GPBP1: variants seen among roughly 807,000 people sequenced by gnomAD.
The protein encoded by GPBP1 is vasculin.
In GPBP1, 13 loss-of-function variants were observed where a neutral mutation model predicts 56.5. The observed-to-expected ratio is 0.23, with a 90% CI of 0.15 to 0.37. The LOEUF is 0.37. Ranked by LOEUF, GPBP1 falls within the 10% of genes least tolerant of loss-of-function variation. The pLI is 1.00. For missense variants in GPBP1, 477 were observed against 572.3 expected, an observed-to-expected ratio of 0.83 and a Z score of 1.70; for synonymous variants, 204 against 188.9, an observed-to-expected ratio of 1.08 and a Z score of -0.66.
At position 57,185,258 on chromosome 5, in the gene GPBP1, CT is replaced by C. The variant is rs747214276; in HGVS notation, c.-58+8877del. On this transcript the variant is annotated intron_variant, in intron 2 of 11. Coordinates refer to ENST00000506184, the MANE Select transcript of GPBP1 (RefSeq NM_022913.4). ...TTTTGGCAACCATCTTTGGTTAGGT[CT>C]TTTTTTTTTTTTTTTTTTAAAGACA... Among the ~76,000 whole-genome samples the C allele has an allele frequency of 6.6e-3, 848 of 128,612 alleles. 4 individuals carry two copies. Among genetic ancestry groups the C allele is most frequent in the Middle Eastern group, 0.012 (3 of 246 alleles). The allele number at this position is 128,612 out of a possible 152,430, so 84.4% of individuals were successfully genotyped here.
rs767445123 is a variant in GPBP1, at chr5:57,235,959, C to T, written c.412-7C>T. 9.4e-6 allele frequency: 15 copies of T among 1,600,046 alleles called. No homozygotes were observed. The highest frequency in any genetic ancestry group is 4.5e-5 in the East Asian group (2 of 44,728). On this transcript the variant is annotated splice_polypyrimidine_tract_variant and splice_region_variant and intron_variant, in intron 5 of 11. Transcript: ENST00000506184. ...AATGTGAAATGTTTATTCCAACTTT[C>T]TTCCAGCCGTCTTTAAATCCTGAGT...
rs1260970205 is a variant in GPBP1, at chr5:57,226,818, C to T, written c.64-4028C>T. Among the ~76,000 whole-genome samples, 62 of 144,428 alleles carry T rather than the reference C, an allele frequency of 4.3e-4. 1 individual carries two copies. The highest frequency in any genetic ancestry group is 3.1e-4 in the Non-Finnish European group (21 of 67,040). 94.8% of individuals were successfully genotyped at this position (144,428 alleles called of 152,430 possible). On this transcript the variant is annotated intron_variant, in intron 3 of 11. Coordinates refer to ENST00000506184, the MANE Select transcript of GPBP1 (RefSeq NM_022913.4). ...GCAGTGGTGCGATCTCTGCTCACTGCAAGCTCCGCCTCCTGAGTTCATGCC... is the reference window on the plus strand; with the variant it reads ...GCAGTGGTGCGATCTCTGCTCACTGTAAGCTCCGCCTCCTGAGTTCATGCC...
chr5:57,208,973 A>G (rs1755360331), intron 2 of GPBP1, among the ~76,000 whole-genome samples: 1 of 152,148 alleles, frequency 6.6e-6, no homozygotes, highest in South Asian at 2.1e-4. Context: ...CTTTCTGTTT[A>G]GGTCTTTTAA....
In GPBP1 at chr5:57,236,019, T is replaced by G. The variant is rs780602818; in HGVS notation, c.465T>G (p.Ala155=). 2 of 1,606,710 alleles carry G rather than the reference T, an allele frequency of 1.2e-6. No individual in the cohort carries two copies. The highest frequency in any genetic ancestry group is 3.3e-5 in the Admixed American group (2 of 59,962). Residue 155 remains alanine (A), a synonymous_variant, in exon 6 of 12, where the codon GCT becomes GCG. Transcript: ENST00000506184. Reference sequence around the variant, plus strand: ...AACCAAATCACAATAAGTCTTTAGCTGCAGGTGTGTGGGGTAAGTAATTTT... The same window carrying G: ...AACCAAATCACAATAAGTCTTTAGCGGCAGGTGTGTGGGGTAAGTAATTTT... The part of the protein sequence containing the change: ...EREPNHNKSL[A]AGVWEYPPNP...
At chr5:57,253,240 G>A (rs1294365968) in intron 10 of GPBP1, among the ~76,000 whole-genome samples, 2 of 152,060 alleles carry the variant, frequency 1.3e-5, no homozygotes, top group African/African-American at 4.8e-5. Flanking sequence ...TGAAAACTAC[G>A]AAAGCAAAGA....
chr5:57,183,655 A>G (rs546712040), intron 2 of GPBP1, among the ~76,000 whole-genome samples: 1 of 152,346 alleles, frequency 6.6e-6, no homozygotes, highest in South Asian at 2.1e-4. Context: ...TCTCAAAAAA[A>G]GAATTACGAT....
intron 10 of GPBP1, among the ~76,000 whole-genome samples, chr5:57,255,953 G>T (rs1190752847): frequency 6.6e-6 from 1 of 152,038 alleles, no homozygotes; most frequent in Admixed American, 6.6e-5. Flanking sequence ...AGAAACTAAG[G>T]CAAATCAAGA....
intron 10 of GPBP1, among the ~76,000 whole-genome samples, 173 bp downstream of exon 10, chr5:57,251,314 G>C (rs775617729): frequency 5.3e-5 from 8 of 152,004 alleles, no homozygotes. Flanking sequence ...TTGTTCACTC[G>C]CATTTACTTT....
At chr5:57,208,426 G>T (rs1434409129) in intron 2 of GPBP1, among the ~76,000 whole-genome samples, 1 of 151,902 alleles carries the variant, frequency 6.6e-6, no homozygotes, top group Non-Finnish European at 1.5e-5. Context: ...TAGGGACGGG[G>T]TTCACCATGT....
At chr5:57,191,209 C>T (rs193024529) in intron 2 of GPBP1, among the ~76,000 whole-genome samples, 1 of 152,014 alleles carries the variant, frequency 6.6e-6, no homozygotes, top group Non-Finnish European at 1.5e-5. Flanking sequence ...CCTCAGCTCC[C>T]AAGTAGCTGG....
intron 2 of GPBP1, among the ~76,000 whole-genome samples, chr5:57,198,392 G>A (rs1233070391): frequency 4.6e-5 from 7 of 151,870 alleles, no homozygotes; most frequent in African/African-American, 1.5e-4. Context: ...TTTTTAATAG[G>A]ATCTTTGAAG....
chr5:57,216,710 C>T (rs757761348), intron 3 of GPBP1, among the ~76,000 whole-genome samples: 1 of 152,098 alleles, frequency 6.6e-6, no homozygotes. Context: ...ACAAAAAACA[C>T]TAAAAGTCTG....
chr5:57,250,202 C>T lies in GPBP1; in HGVS notation c.972+626C>T, dbSNP rs191243042. On this transcript the variant is annotated intron_variant, in intron 9 of 11. Coordinates refer to ENST00000506184, the MANE Select transcript of GPBP1 (RefSeq NM_022913.4). ...CATTTTTTGTAGAGACGGGGTTTCA[C>T]CACGTTGGCCAGACTGGTCTTGAAC... 6.2e-3 allele frequency among the ~76,000 whole-genome samples: 940 copies of T among 151,600 alleles called. 4 individuals carry two copies. Among genetic ancestry groups the T allele is most frequent in the Non-Finnish European group, 8.0e-3 (544 of 67,962 alleles).
intron 2 of GPBP1, among the ~76,000 whole-genome samples, chr5:57,207,257 G>A (rs955597825): frequency 6.6e-6 from 1 of 152,278 alleles, no homozygotes; most frequent in African/African-American, 2.4e-5. Context: ...GATGTTTAGG[G>A]CCCCTCGCAC....
intron 10 of GPBP1, among the ~76,000 whole-genome samples, chr5:57,257,680 C>T (rs1741725139): frequency 1.3e-5 from 2 of 152,082 alleles, no homozygotes; most frequent in African/African-American, 2.4e-5. Flanking sequence ...GTCTTGAACT[C>T]CTAGCCTCAA....
chr5:57,253,093 G>A (rs569372200), intron 10 of GPBP1, among the ~76,000 whole-genome samples: 1 of 152,262 alleles, frequency 6.6e-6, no homozygotes, highest in East Asian at 1.9e-4. Context: ...AAGTGGTTTA[G>A]TCTTAGAATT....
intron 5 of GPBP1, among the ~76,000 whole-genome samples, chr5:57,233,788 C>T (rs1756557712): frequency 6.6e-6 from 1 of 152,134 alleles, no homozygotes; most frequent in Non-Finnish European, 1.5e-5. Flanking sequence ...ATAGTTCAAA[C>T]TTGTGTTGTT....
In GPBP1 at chr5:57,241,828, C is replaced by T. The variant is rs555153899; in HGVS notation, c.479-4472C>T. 4.5e-3 allele frequency among the ~76,000 whole-genome samples: 683 copies of T among 152,210 alleles called. 2 individuals are homozygous for T. The highest frequency in any genetic ancestry group is 7.3e-3 in the Non-Finnish European group (494 of 68,014). On this transcript the variant is annotated intron_variant, in intron 6 of 11. Transcript: ENST00000506184. ...TTAAAATGTAAACATTTGGGGTCTT[C>T]TTCATATAATTAACCAAGTCAGAAA...
At chr5:57,216,983 T>C (rs1016310203) in intron 3 of GPBP1, among the ~76,000 whole-genome samples, 4 of 152,162 alleles carry the variant, frequency 2.6e-5, no homozygotes, top group African/African-American at 7.2e-5. Context: ...ATTTAACTTA[T>C]ATAAATAAAA....
Sources: allele counts gnomAD v4.1 joint callset (sites outside exome capture counted in the v4.1 genomes callset), GRCh38; gene constraint gnomAD v4.1.1; transcripts MANE v1.5; gene names NCBI Gene and HGNC (gene_info 2026-07-23, HGNC 2026-07-21).